PCDHGA1: variants seen among roughly 807,000 people sequenced by gnomAD.
The protein encoded by PCDHGA1 is protocadherin gamma subfamily A, 1.
PCDHGA1 carries 32 observed loss-of-function variants against 58.0 expected under a neutral mutation model. The ratio of observed to expected loss-of-function variants is 0.55; its 90% CI spans 0.42 to 0.74. The LOEUF is 0.74. PCDHGA1 is among the 30% of genes least tolerant of loss of function. The pLI is 0.00. For missense variants in PCDHGA1, 1,205 were observed against 1,182.3 expected (o/e 1.02, Z -0.28); for synonymous variants, 498 against 501.1 (o/e 0.99, Z 0.08).
At chr5:141,499,461 A>G (rs1448103747) in intron 2 of PCDHGA1, among the ~76,000 whole-genome samples, 2 of 152,226 alleles carry the variant, frequency 1.3e-5, no homozygotes. Flanking sequence ...TCATTTTACA[A>G]TCTAGGGAGA....
At chr5:141,395,543 TGTGTG>T in intron 1 of PCDHGA1, 1 of 8,204 alleles carries the variant, frequency 1.2e-4, no homozygotes, top group Non-Finnish European at 2.0e-4. Context: ...TGCTATTGTT[TGTGTG>T]TGTGTGTGTG....
intron 1 of PCDHGA1, chr5:141,407,957 G>A: frequency 1.5e-6 from 1 of 660,494 alleles, no homozygotes; most frequent in Non-Finnish European, 2.4e-6. Flanking sequence ...GGCCAGTGCA[G>A]AGCAAGCGCT....
chr5:141,341,164 C>T lies in PCDHGA1; in HGVS notation c.2421+8059C>T, dbSNP rs1588450598. The stretch of plus-strand genomic sequence containing the variant: ...GCCTGCTGCAGGCTTCAGGAGGCAG[C>T]TTGACAGGCATGCAGAGCTCGCACT... On this transcript the variant is annotated intron_variant, in intron 1 of 3. Coordinates refer to ENST00000517417, the MANE Select transcript of PCDHGA1 (RefSeq NM_018912.3). 3.7e-6 allele frequency: 6 copies of T among 1,614,216 alleles called. No individual in the cohort carries two copies. In the East Asian group the frequency reaches 1.3e-4, roughly 36 times the overall value.
In PCDHGA1 at chr5:141,383,069, G is replaced by T; in HGVS notation, c.2421+49964G>T. ...GCCAAGGACCTGGGGCTGGAGCCCC[G>T]GGAGCTGGCGGAGCGCGGAGTCCGC... On this transcript the variant is annotated intron_variant, in intron 1 of 3. Coordinates refer to ENST00000517417, the MANE Select transcript of PCDHGA1 (RefSeq NM_018912.3). The T allele has an allele frequency of 6.2e-7, 1 of 1,613,886 alleles. No homozygotes were observed. The highest frequency in any genetic ancestry group is 8.5e-7 in the Non-Finnish European group (1 of 1,179,902).
chr5:141,435,073 G>A (rs535689336), intron 1 of PCDHGA1, among the ~76,000 whole-genome samples: 150 of 151,756 alleles, frequency 9.9e-4, no homozygotes, highest in Middle Eastern at 3.4e-3. Flanking sequence ...TGTGTAGACC[G>A]TCTGATAACA....
chr5:141,381,625 G>C (rs1460922523), intron 1 of PCDHGA1, among the ~76,000 whole-genome samples: 1 of 152,172 alleles, frequency 6.6e-6, no homozygotes, highest in Non-Finnish European at 1.5e-5. Context: ...TAGGATCTCT[G>C]CAGATTTCTG....
At chr5:141,482,544 A>AAAC (rs1041838777) in intron 1 of PCDHGA1, among the ~76,000 whole-genome samples, 4 of 151,844 alleles carry the variant, frequency 2.6e-5, no homozygotes, top group Non-Finnish European at 4.4e-5. Context: ...AAAAAAAAAA[A>AAAC]AAAAAGATAA....
chr5:141,421,512 G>T, intron 1 of PCDHGA1: 2 of 1,614,094 alleles, frequency 1.2e-6, no homozygotes, highest in Non-Finnish European at 1.7e-6. Context: ...ACCGGGAGGA[G>T]CTCTGTGAGA....
intron 1 of PCDHGA1, among the ~76,000 whole-genome samples, chr5:141,494,341 G>C (rs565090556): frequency 9.2e-5 from 14 of 152,352 alleles, no homozygotes; most frequent in Admixed American, 9.1e-4. Context: ...ACCAAGAACA[G>C]CAGCCATCTT....
In PCDHGA1 at chr5:141,489,906, C is replaced by T. The variant is rs550717535; in HGVS notation, c.2422-4901C>T. On this transcript the variant is annotated intron_variant, in intron 1 of 3. Transcript: ENST00000517417. The surrounding 1 kb of genome is among the most constrained non-coding windows in gnomAD (Gnocchi z 4.5). ...CTGTGGATGGGGGGACCCCAGCCCG[C>T]TCAGGGACCACCCTTATCTCTGTCA... 4.5e-5 allele frequency: 72 copies of T among 1,614,234 alleles called. No individual in the cohort carries two copies. In the African/African-American group the frequency reaches 5.6e-4, roughly 13 times the overall value.
At chr5:141,421,434 C>T (rs1247535353) in intron 1 of PCDHGA1, 1 of 1,613,980 alleles carries the variant, frequency 6.2e-7, no homozygotes, top group Non-Finnish European at 8.5e-7. Context: ...GCATCGTCTC[C>T]AGAGGGAAGA....
intron 1 of PCDHGA1, among the ~76,000 whole-genome samples, chr5:141,483,459 G>A (rs1214951485): frequency 6.6e-6 from 1 of 152,186 alleles, no homozygotes; most frequent in Non-Finnish European, 1.5e-5. Flanking sequence ...AGGACTTGTT[G>A]ATTGACATGA....
At chr5:141,384,795 G>C (rs763067876) in intron 1 of PCDHGA1, 1 of 1,613,482 alleles carries the variant, frequency 6.2e-7, no homozygotes, top group South Asian at 1.1e-5. Context: ...CTCGGGCCCT[G>C]CTGGACAGAG....
Position 141,431,062 on chromosome 5 carries a change from G to C in PCDHGA1, c.2422-63745G>C, listed in dbSNP as rs2097341170. On this transcript the variant is annotated intron_variant, in intron 1 of 3. Coordinates refer to ENST00000517417, the MANE Select transcript of PCDHGA1 (RefSeq NM_018912.3). This position sits in a 1 kb window ranked among gnomAD's most constrained non-coding sequence, Gnocchi z 4.8. ...AGGAGCTCTGTATGGGGGCCATCAA[G>C]TGTCAATTAAATCTAGACATTCTGA... 6.2e-7 allele frequency: 1 copy of C among 1,614,212 alleles called. No individual in the cohort carries two copies. The highest frequency in any genetic ancestry group is 1.3e-5 in the African/African-American group (1 of 75,084).
At chr5:141,369,792 G>C (rs1166011408) in intron 1 of PCDHGA1, among the ~76,000 whole-genome samples, 1 of 152,158 alleles carries the variant, frequency 6.6e-6, no homozygotes, top group Non-Finnish European at 1.5e-5. Context: ...TTTATACTAC[G>C]TCTTCTGCCA....
chr5:141,415,873 G>A lies in PCDHGA1; in HGVS notation c.2422-78934G>A, dbSNP rs905638480. The A allele has an allele frequency of 9.6e-6, 10 of 1,046,220 alleles. No homozygotes were observed. In the East Asian group the frequency reaches 1.8e-4, roughly 19 times the overall value. The allele number at this position is 1,046,220 out of a possible 1,614,324, so 64.8% of individuals were successfully genotyped here. A position where few individuals can be genotyped will look rare whatever the true frequency, so the allele number is the denominator to read the frequency against. On this transcript the variant is annotated intron_variant, in intron 1 of 3. Transcript: ENST00000517417. ...ACCTTGTAGTTTATAGTGTTGTTGA[G>A]TACAATATTGACAATTCCTAAGACA...
At position 141,490,456 on chromosome 5, in the gene PCDHGA1, C is replaced by G. The variant is rs370141879; in HGVS notation, c.2422-4351C>G. On this transcript the variant is annotated intron_variant, in intron 1 of 3. Transcript: ENST00000517417. The surrounding 1 kb of genome is among the most constrained non-coding windows in gnomAD (Gnocchi z 5.4). The stretch of plus-strand genomic sequence containing the variant: ...TAAGCCTTCTGAGAACCACTACTCG[C>G]TGCTAACCAGCCAGCCTTTGGACCG... 3.7e-6 allele frequency: 6 copies of G among 1,614,114 alleles called. No individual in the cohort carries two copies. Among genetic ancestry groups the G allele is most frequent in the Non-Finnish European group, 5.1e-6 (6 of 1,180,058 alleles).
intron 1 of PCDHGA1, chr5:141,340,823 T>G (rs768330265): frequency 1.2e-6 from 2 of 1,613,808 alleles, no homozygotes; most frequent in Non-Finnish European, 1.7e-6. Context: ...GGGACTCTTC[T>G]CGGTGGGTCT....
chr5:141,379,512 A>C (rs1476847864), intron 1 of PCDHGA1: 1 of 152,258 alleles, frequency 6.6e-6, no homozygotes, highest in African/African-American at 2.4e-5. Context: ...GTTAAACTAC[A>C]TCTTGAGCAT....
Sources: gnomAD v4.1 joint callset for allele counts (sites outside exome capture counted in the v4.1 genomes callset) on GRCh38, gnomAD v4.1.1 for gene constraint, Gnocchi (gnomAD v3.1) non-coding constraint, MANE v1.5 for transcripts, NCBI Gene and HGNC (gene_info 2026-07-23, HGNC 2026-07-21) for gene names.